Variants in ETS1 observed in about 807,000 individuals in gnomAD.
ETS1 encodes protein C-ets-1.
In ETS1, 15 loss-of-function variants were observed where a neutral mutation model predicts 58.6. That is an observed-to-expected ratio of 0.26 (90% confidence interval 0.17 to 0.39). The LOEUF (loss-of-function observed/expected upper bound fraction) is 0.39. Among genes scored for constraint, ETS1 ranks in the 10% least tolerant of loss-of-function variants. The pLI is 1.00. For synonymous variants in ETS1, 214 were observed against 218.2 expected (o/e 0.98, Z 0.17); for missense variants, 417 against 610.5 (o/e 0.68, Z 3.34).
intron 3 of ETS1, among the ~76,000 whole-genome samples, chr11:128,515,272 A>G (rs200907347): frequency 0.012 from 1,740 of 150,806 alleles, 14 homozygotes; most frequent in Middle Eastern, 0.031. Context: ...ACACACACAC[A>G]CGCGCGCGTG....
intron 3 of ETS1, among the ~76,000 whole-genome samples, chr11:128,550,323 A>G (rs528003136): frequency 6.6e-6 from 1 of 152,370 alleles, no homozygotes; most frequent in East Asian, 1.9e-4. Flanking sequence ...CCAAGGCAGC[A>G]GGAGGTGGGA....
intron 8 of ETS1, among the ~76,000 whole-genome samples, chr11:128,465,358 T>C (rs1862006667): frequency 6.6e-6 from 1 of 152,222 alleles, no homozygotes; most frequent in Non-Finnish European, 1.5e-5. Flanking sequence ...GGTAAAGCCG[T>C]AGCTTCCTCT....
At chr11:128,576,093 G>A (rs900460329) in intron 1 of ETS1, among the ~76,000 whole-genome samples, 32 of 152,238 alleles carry the variant, frequency 2.1e-4, no homozygotes, top group Non-Finnish European at 4.6e-4. Context: ...ATGACTGTAT[G>A]AATGACACTT....
Position 128,524,161 on chromosome 11 carries a change from C to T in ETS1, c.214+32130G>A, listed in dbSNP as rs566552542. ...ACTTTCTTCCCCAGACTAGCCTAAACACTGCTGCTAACATCCACCCAAATT... is the reference window on the plus strand; with the variant it reads ...ACTTTCTTCCCCAGACTAGCCTAAATACTGCTGCTAACATCCACCCAAATT... On this transcript the variant is annotated intron_variant, in intron 3 of 9. Coordinates refer to ENST00000392668, the MANE Select transcript of ETS1 (RefSeq NM_001143820.2). Among the ~76,000 whole-genome samples the T allele has an allele frequency of 7.2e-5, 11 of 152,340 alleles. No homozygotes were observed. In the South Asian group the frequency reaches 2.1e-3, roughly 29 times the overall value.
chr11:128,566,775 A>G (rs149442621), intron 2 of ETS1, among the ~76,000 whole-genome samples: 3 of 145,556 alleles, frequency 2.1e-5, no homozygotes, highest in African/African-American at 7.7e-5. Flanking sequence ...AGAGCAAGAC[A>G]CCGTCTCAAA....
At chr11:128,513,109 C>T (rs971148385) in intron 3 of ETS1, among the ~76,000 whole-genome samples, 2 of 152,204 alleles carry the variant, frequency 1.3e-5, no homozygotes, top group African/African-American at 2.4e-5. Flanking sequence ...AGGCTGGCAA[C>T]AATTTCTAAC....
intron 3 of ETS1, among the ~76,000 whole-genome samples, chr11:128,530,918 C>T (rs550678018): frequency 6.6e-5 from 10 of 152,316 alleles, no homozygotes; most frequent in South Asian, 4.1e-4. Context: ...ACATATCCAT[C>T]CACTTTTAGT....
intron 1 of ETS1, among the ~76,000 whole-genome samples, chr11:128,582,233 G>A (rs899706126): frequency 6.6e-6 from 1 of 152,160 alleles, no homozygotes; most frequent in African/African-American, 2.4e-5. Flanking sequence ...ATGGGTGAAC[G>A]TAGAACTGCT....
chr11:128,478,102 A>G (rs1023218432), intron 8 of ETS1, among the ~76,000 whole-genome samples: 1 of 152,230 alleles, frequency 6.6e-6, no homozygotes, highest in Non-Finnish European at 1.5e-5. Flanking sequence ...ATTGTCAAGG[A>G]GAAAGAATTA....
At chr11:128,523,782 A>G (rs567259947) in intron 3 of ETS1, among the ~76,000 whole-genome samples, 1 of 152,362 alleles carries the variant, frequency 6.6e-6, no homozygotes, top group South Asian at 2.1e-4. Flanking sequence ...GACTGTTGCA[A>G]TCCAGCTGTG....
chr11:128,579,417 T>C (rs886671185), intron 1 of ETS1, among the ~76,000 whole-genome samples: 13 of 152,028 alleles, frequency 8.6e-5, no homozygotes, highest in African/African-American at 3.1e-4. Flanking sequence ...ATTCCAGCAA[T>C]TTGAGAGGCC....
intron 3 of ETS1, among the ~76,000 whole-genome samples, chr11:128,554,716 C>T (rs78814353): frequency 0.046 from 6,973 of 151,814 alleles, 545 homozygotes; most frequent in African/African-American, 0.16. Flanking sequence ...CAGAGACCAT[C>T]GAGAGCTGCA....
In ETS1 at chr11:128,480,324, G is replaced by A. The variant is rs145206378; in HGVS notation, c.990C>T (p.Phe330=). Residue 330 remains phenylalanine (F), a synonymous_variant, in exon 8 of 10, where the codon TTC becomes TTT. Coordinates refer to ENST00000392668, the MANE Select transcript of ETS1 (RefSeq NM_001143820.2). ...GGGCAGCCGGATAGTCCTCTGAGTC[G>A]AAGCTGTCATAGGAGGGAACACGCT... ...SLQRVPSYDS[F]DSEDYPAALP... is the part of the protein sequence containing the mutation. The A allele has an allele frequency of 2.4e-5, 38 of 1,614,122 alleles. No homozygotes were observed. The highest frequency in any genetic ancestry group is 3.3e-5 in the Admixed American group (2 of 60,018).
chr11:128,473,627 A>G (rs1328485292), intron 8 of ETS1, among the ~76,000 whole-genome samples: 3 of 152,066 alleles, frequency 2.0e-5, no homozygotes, highest in Non-Finnish European at 4.4e-5. Flanking sequence ...TTTAACTTGG[A>G]CTTCTCTACC....
chr11:128,470,881 ACT>A lies in ETS1; in HGVS notation c.1124-7256_1124-7255del, dbSNP rs541742916. On this transcript the variant is annotated intron_variant, in intron 8 of 9. Transcript: ENST00000392668. ...TTAGGACTTTTTTAAGTTAGGGAAG[ACT>A]CTGAAATCCTTGTTCCCATGTTAAA... Among the ~76,000 whole-genome samples the A allele has an allele frequency of 1.4e-3, 217 of 152,286 alleles. 2 individuals carry two copies. The highest frequency in any genetic ancestry group is 4.6e-3 in the African/African-American group (193 of 41,556).
intron 3 of ETS1, among the ~76,000 whole-genome samples, chr11:128,545,040 G>A (rs1340160847): frequency 6.6e-6 from 1 of 151,890 alleles, no homozygotes; most frequent in Non-Finnish European, 1.5e-5. Flanking sequence ...GCAGTGTAAG[G>A]GGACAAAGGG....
chr11:128,546,258 G>T (rs906343595), intron 3 of ETS1, among the ~76,000 whole-genome samples: 7 of 152,204 alleles, frequency 4.6e-5, no homozygotes, highest in Non-Finnish European at 1.0e-4. Context: ...ACAGTCAATG[G>T]TTCCAACAGA....
intron 3 of ETS1, chr11:128,521,765 T>C: frequency 1.7e-6 from 1 of 584,488 alleles, no homozygotes; most frequent in Non-Finnish European, 2.9e-6. Flanking sequence ...CTTCTCCTCC[T>C]CGTCCTCCAG....
At chr11:128,582,127 T>G (rs1864887083) in intron 1 of ETS1, among the ~76,000 whole-genome samples, 1 of 152,220 alleles carries the variant, frequency 6.6e-6, no homozygotes, top group Admixed American at 6.5e-5. Flanking sequence ...ATTTTGGAGT[T>G]GGAAAAAATT....
Sources: allele counts gnomAD v4.1 joint callset (sites outside exome capture counted in the v4.1 genomes callset), GRCh38; gene constraint gnomAD v4.1.1; transcripts MANE v1.5; gene names NCBI Gene and HGNC (gene_info 2026-07-23, HGNC 2026-07-21).